ARHGAP29: variants seen among roughly 807,000 people sequenced by gnomAD.
ARHGAP29 encodes the protein Rho GTPase activating protein 29.
In ARHGAP29, 43 loss-of-function variants were observed where a neutral mutation model predicts 122.6. The ratio of observed to expected loss-of-function variants is 0.35; its 90% CI spans 0.27 to 0.45. The LOEUF (loss-of-function observed/expected upper bound fraction) is 0.45, where lower values mean the gene tolerates loss of function less well. ARHGAP29 is among the 20% of genes least tolerant of loss of function. ARHGAP29 has a pLI of 1.00. For synonymous variants in ARHGAP29, 506 were observed against 497.1 expected (o/e 1.02, Z -0.24); for missense variants, 1,303 against 1,477.2 (o/e 0.88, Z 1.93).
At chr1:94,303,997 C>T in the ARHGAP29 span, among the ~76,000 whole-genome samples, 1 of 152,234 alleles carries the variant, frequency 6.6e-6, no homozygotes, top group Admixed American at 6.5e-5. Context: ...TTTCCTGATA[C>T]AATTCTTTTT....
intron 3 of ARHGAP29, among the ~76,000 whole-genome samples, 192 bp from the exon 4 acceptor site, chr1:94,209,542 T>C (rs1651448858): frequency 6.6e-6 from 1 of 152,198 alleles, no homozygotes; most frequent in South Asian, 2.1e-4. Context: ...AGAATCAGCT[T>C]GCATAAAAGC....
intron 1 of ARHGAP29, among the ~76,000 whole-genome samples, chr1:94,253,120 GC>G (rs1214851522): frequency 6.6e-6 from 1 of 152,024 alleles, no homozygotes; most frequent in Non-Finnish European, 1.5e-5. Flanking sequence ...ACAGGTGCAT[GC>G]CACCACAGCC....
rs1648807267 is a variant in ARHGAP29, at chr1:94,172,611, T to TAA, written c.*1257_*1258insTT. ...GGGAACATGAAATAATTTAACAAGT[T>TAA]GATATATATATATATATATATTATC... On this transcript the variant is annotated 3_prime_UTR_variant, in exon 23 of 23. Coordinates refer to ENST00000260526, the MANE Select transcript of ARHGAP29 (RefSeq NM_004815.4). 4.5e-5 allele frequency: 1 copy of TAA among 22,240 alleles called. No homozygotes were observed. The highest frequency in any genetic ancestry group is 2.9e-3 in the East Asian group (1 of 344). The allele number at this position is 22,240 out of a possible 1,614,324, so 1.4% of individuals were successfully genotyped here.
intron 3 of ARHGAP29, among the ~76,000 whole-genome samples, chr1:94,216,700 C>T (rs958025697): frequency 7.9e-5 from 12 of 151,920 alleles, no homozygotes; most frequent in African/African-American, 2.9e-4. Flanking sequence ...GGGTAAAATG[C>T]AGAACATAAA....
chr1:94,193,603 A>T (rs1177812451), intron 12 of ARHGAP29: 1 of 152,238 alleles, frequency 6.6e-6, no homozygotes, highest in African/African-American at 2.4e-5. Context: ...CTGGTATCTC[A>T]TGAGAAACTA....
chr1:94,310,631 G>A, the ARHGAP29 span, among the ~76,000 whole-genome samples: 1 of 152,154 alleles, frequency 6.6e-6, no homozygotes, highest in South Asian at 2.1e-4. Flanking sequence ...CCTCAGTTGA[G>A]CCTCCAATTG....
chr1:94,292,382 T>C, the ARHGAP29 span, among the ~76,000 whole-genome samples: 822 of 152,342 alleles, frequency 5.4e-3, 14 homozygotes, highest in Non-Finnish European at 4.3e-3. Context: ...TTTAGCTTCC[T>C]TGCGATGAGT....
Position 94,205,137 on chromosome 1 carries a change from C to T in ARHGAP29, c.621G>A (p.Leu207=), listed in dbSNP as rs1651108441. The change falls in exon 7 of 23, where the codon CTG becomes CTA. Residue 207 remains leucine (L), a synonymous_variant. Coordinates refer to ENST00000260526, the MANE Select transcript of ARHGAP29 (RefSeq NM_004815.4). Reference sequence around the variant, plus strand: ...ACCAAGTTTTAGCATATGACAAAGCCAGCTCGATAGAGTCAGTGTTCTTTA... The same window carrying T: ...ACCAAGTTTTAGCATATGACAAAGCTAGCTCGATAGAGTCAGTGTTCTTTA... ...VLLKNTDSIE[L]ALSYAKTWSK... is the part of the protein sequence containing the mutation. 2 of 1,608,596 alleles carry T rather than the reference C, an allele frequency of 1.2e-6. No homozygotes were observed. The highest frequency in any genetic ancestry group is 1.3e-5 in the African/African-American group (1 of 74,578).
chr1:94,185,738 T>C (rs976182733), intron 16 of ARHGAP29, among the ~76,000 whole-genome samples: 1 of 152,096 alleles, frequency 6.6e-6, no homozygotes, highest in African/African-American at 2.4e-5. Context: ...TAACATGACA[T>C]AACGTTTTCA....
chr1:94,196,314 T>G (rs1258322053), intron 12 of ARHGAP29, among the ~76,000 whole-genome samples: 1 of 128,160 alleles, frequency 7.8e-6, no homozygotes, highest in Non-Finnish European at 1.6e-5. Context: ...CAGGCTGGAG[T>G]GCAGTGGCGC....
chr1:94,244,962 G>C (rs1375033442), intron 1 of ARHGAP29, among the ~76,000 whole-genome samples: 1 of 152,054 alleles, frequency 6.6e-6, no homozygotes, highest in African/African-American at 2.4e-5. Context: ...CACAAAAGAA[G>C]ATACACAACT....
chr1:94,261,513 T>G (rs1654554084), intron 1 of ARHGAP29, among the ~76,000 whole-genome samples: 1 of 152,168 alleles, frequency 6.6e-6, no homozygotes, highest in Non-Finnish European at 1.5e-5. Flanking sequence ...AACTCCATAG[T>G]CTTGACCTGA....
chr1:94,185,426 T>A lies in ARHGAP29; in HGVS notation c.1836A>T (p.Thr612=). Residue 612 remains threonine (T), a synonymous_variant, in exon 17 of 23, where the codon ACA becomes ACT. Coordinates refer to ENST00000260526, the MANE Select transcript of ARHGAP29 (RefSeq NM_004815.4). ...GGGATCTCAATTTGCGAAACTTGTG[T>A]GTGAGAGCTGCCTTTGACATCAATG... The part of the protein sequence containing the change: ...KKTLMSKAAL[T]HKFRKLRSPT... The A allele has an allele frequency of 6.2e-7, 1 of 1,613,100 alleles. No homozygotes were observed. Among genetic ancestry groups the A allele is most frequent in the Non-Finnish European group, 8.5e-7 (1 of 1,179,500 alleles).
At chr1:94,307,747 G>A in the ARHGAP29 span, among the ~76,000 whole-genome samples, 1 of 152,058 alleles carries the variant, frequency 6.6e-6, no homozygotes, top group African/African-American at 2.4e-5. Context: ...AAAGTTATAT[G>A]TCTACTACTC....
chr1:94,189,488 A>G, intron 13 of ARHGAP29, 136 bp from the exon 14 acceptor site: 5 of 1,069,830 alleles, frequency 4.7e-6, no homozygotes, highest in Non-Finnish European at 6.4e-6. Context: ...AAAACAAACC[A>G]CACTCATGGT....
the ARHGAP29 span, among the ~76,000 whole-genome samples, chr1:94,280,590 G>T: frequency 1.3e-5 from 2 of 152,168 alleles, no homozygotes; most frequent in African/African-American, 4.8e-5. Flanking sequence ...GATCCTGGCA[G>T]AACATAGTAA....
chr1:94,267,613 A>G (rs1298277119), intron 1 of ARHGAP29, among the ~76,000 whole-genome samples: 2 of 151,930 alleles, frequency 1.3e-5, no homozygotes, highest in African/African-American at 2.4e-5. Context: ...ATACACGAAT[A>G]TAATAAAACA....
At chr1:94,280,263 C>G in the ARHGAP29 span, among the ~76,000 whole-genome samples, 1 of 151,978 alleles carries the variant, frequency 6.6e-6, no homozygotes, top group Admixed American at 6.6e-5. Flanking sequence ...ATCTTCCTCT[C>G]CAGGTTCCTT....
At chr1:94,260,793 G>C (rs1459214276) in intron 1 of ARHGAP29, among the ~76,000 whole-genome samples, 1 of 152,174 alleles carries the variant, frequency 6.6e-6, no homozygotes, top group Non-Finnish European at 1.5e-5. Flanking sequence ...AAGAACAGCT[G>C]CATCATCATA....
Sources: gnomAD v4.1 joint callset for allele counts (sites outside exome capture counted in the v4.1 genomes callset) on GRCh38, gnomAD v4.1.1 for gene constraint, MANE v1.5 for transcripts, NCBI Gene and HGNC (gene_info 2026-07-23, HGNC 2026-07-21) for gene names.